WWOX: variants seen among roughly 807,000 people sequenced by gnomAD.
WWOX encodes WW domain-containing oxidoreductase.
Under a neutral mutation model 46.2 loss-of-function variants are expected in WWOX, and 69 were observed. The ratio of observed to expected loss-of-function variants is 1.49; its 90% CI spans 1.23 to 1.82. The LOEUF (loss-of-function observed/expected upper bound fraction) is 1.82, where lower values mean the gene tolerates loss of function less well. Among genes scored for constraint, WWOX ranks in the 40% most tolerant of loss-of-function variants. The pLI, the probability that WWOX is intolerant of heterozygous loss-of-function variation, is 0.00. For synonymous variants in WWOX, 359 were observed against 202.6 expected (o/e 1.77, Z -6.56); for missense variants, 919 against 542.6 (o/e 1.69, Z -6.89).
intron 4 of WWOX, among the ~76,000 whole-genome samples, chr16:78,129,102 C>T (rs2033483167): frequency 6.6e-6 from 1 of 152,158 alleles, no homozygotes; most frequent in African/African-American, 2.4e-5. Context: ...GAAAAGCTGA[C>T]TTGGGAGCTG....
At chr16:78,566,241 A>G (rs189613443) in intron 8 of WWOX, among the ~76,000 whole-genome samples, 81 of 152,196 alleles carry the variant, frequency 5.3e-4, no homozygotes, top group Middle Eastern at 3.4e-3. Context: ...CCCCACCTCC[A>G]AGTACTGTCA....
intron 8 of WWOX, among the ~76,000 whole-genome samples, chr16:79,114,433 C>T (rs1196348847): frequency 2.0e-5 from 3 of 151,324 alleles, no homozygotes; most frequent in Non-Finnish European, 4.4e-5. Flanking sequence ...CACATACCTA[C>T]ATGCACACAC....
intron 8 of WWOX, among the ~76,000 whole-genome samples, chr16:78,928,103 C>T (rs2045540141): frequency 6.6e-6 from 1 of 152,020 alleles, no homozygotes; most frequent in African/African-American, 2.4e-5. Context: ...AGCCTTTTGT[C>T]CGTATGTATT....
chr16:78,482,636 T>A (rs528381523), intron 8 of WWOX, among the ~76,000 whole-genome samples: 1 of 152,316 alleles, frequency 6.6e-6, no homozygotes, highest in South Asian at 2.1e-4. Flanking sequence ...ATGAAGTGGC[T>A]ACTATAATTA....
intron 8 of WWOX, among the ~76,000 whole-genome samples, chr16:78,579,021 AT>A (rs1157160733): frequency 2.6e-5 from 4 of 151,650 alleles, no homozygotes; most frequent in Admixed American, 2.0e-4. Context: ...CATCTTAGGC[AT>A]TTTTTTCCTT....
At chr16:78,325,209 C>G (rs1219299662) in intron 5 of WWOX, among the ~76,000 whole-genome samples, 1 of 152,188 alleles carries the variant, frequency 6.6e-6, no homozygotes, top group Non-Finnish European at 1.5e-5. Context: ...TGTTTACAAG[C>G]TCTAATCAGG....
In WWOX at chr16:78,807,897, C is replaced by T. The variant is rs137954426; in HGVS notation, c.1056+375145C>T. ...CCTCATTTCAAGTGCTCAGTAGCTA[C>T]ATGTACCTAACACATTGGACAGCAC... On this transcript the variant is annotated intron_variant, in intron 8 of 8. Transcript: ENST00000566780. Among the ~76,000 whole-genome samples the T allele has an allele frequency of 1.4e-3, 220 of 152,358 alleles. 1 individual carries two copies. The highest frequency in any genetic ancestry group is 5.0e-3 in the African/African-American group (207 of 41,582).
At chr16:79,180,880 C>T (rs1039905832) in intron 8 of WWOX, among the ~76,000 whole-genome samples, 9 of 152,098 alleles carry the variant, frequency 5.9e-5, no homozygotes, top group African/African-American at 2.2e-4. Flanking sequence ...TTTCTAATTC[C>T]AATACTTAAT....
intron 8 of WWOX, among the ~76,000 whole-genome samples, chr16:79,141,914 G>A (rs753559315): frequency 4.0e-5 from 6 of 151,036 alleles, no homozygotes; most frequent in Non-Finnish European, 8.9e-5. Context: ...AGCAGTGTCC[G>A]TTAGTATGAC....
chr16:79,109,040 G>A (rs891784965), intron 8 of WWOX, among the ~76,000 whole-genome samples: 1 of 151,932 alleles, frequency 6.6e-6, no homozygotes, highest in Admixed American at 6.6e-5. Flanking sequence ...ATCATCACCT[G>A]TGTGAGTGTG....
In WWOX at chr16:78,703,832, C is replaced by G. The variant is rs146768427; in HGVS notation, c.1056+271080C>G. Among the ~76,000 whole-genome samples, 14 of 152,138 alleles carry G rather than the reference C, an allele frequency of 9.2e-5. 1 individual carries two copies. The East Asian group carries it at 2.7e-3, about 29-fold the overall frequency. ...TGAGTTGCTGGTACTGCTGTGGGCACAGAACTGGGTATGACAGAACATTTT... is the reference window on the plus strand; with the variant it reads ...TGAGTTGCTGGTACTGCTGTGGGCAGAGAACTGGGTATGACAGAACATTTT... On this transcript the variant is annotated intron_variant, in intron 8 of 8. Coordinates refer to ENST00000566780, the MANE Select transcript of WWOX (RefSeq NM_016373.4).
intron 8 of WWOX, chr16:78,899,123 T>A (rs1402190243): frequency 6.6e-6 from 1 of 152,134 alleles, no homozygotes; most frequent in Admixed American, 6.5e-5. Context: ...TGTAGGACAG[T>A]GTTGAACAGA....
At chr16:79,182,507 G>A (rs1010960607) in intron 8 of WWOX, among the ~76,000 whole-genome samples, 2 of 150,394 alleles carry the variant, frequency 1.3e-5, no homozygotes, top group Non-Finnish European at 2.9e-5. Context: ...ACTGGGATTG[G>A]AAGGGATCAG....
intron 5 of WWOX, among the ~76,000 whole-genome samples, chr16:78,252,011 A>T (rs998181691): frequency 6.6e-6 from 1 of 152,204 alleles, no homozygotes; most frequent in African/African-American, 2.4e-5. Context: ...GGCAAGTGTC[A>T]TGGGACTTGT....
At chr16:78,131,750 T>C (rs891676338) in intron 4 of WWOX, among the ~76,000 whole-genome samples, 5 of 150,538 alleles carry the variant, frequency 3.3e-5, no homozygotes, top group East Asian at 2.0e-4. Flanking sequence ...CGCCCAGCTA[T>C]TTTTTTTGTA....
intron 8 of WWOX, among the ~76,000 whole-genome samples, chr16:78,518,573 G>C (rs1436310948): frequency 6.6e-6 from 1 of 152,090 alleles, no homozygotes; most frequent in Non-Finnish European, 1.5e-5. Context: ...GAGTACTTTT[G>C]TCCATTTCTA....
In WWOX at chr16:78,955,569, A is replaced by C. The variant is rs537523268; in HGVS notation, c.1057-256039A>C. 1.4e-4 allele frequency among the ~76,000 whole-genome samples: 21 copies of C among 151,944 alleles called. No individual in the cohort carries two copies. In the South Asian group the frequency reaches 4.2e-3, roughly 30 times the overall value. On this transcript the variant is annotated intron_variant, in intron 8 of 8. Transcript: ENST00000566780. The stretch of plus-strand genomic sequence containing the variant: ...ACTTTTTAAAACCAGCAAATCATTC[A>C]TATTTACTTTATGAAACCTCTTTTA...
chr16:78,622,881 G>C (rs1470351773), intron 8 of WWOX, among the ~76,000 whole-genome samples: 1 of 152,096 alleles, frequency 6.6e-6, no homozygotes, highest in African/African-American at 2.4e-5. Context: ...CCTTAAAGAG[G>C]AGCTAAAATA....
intron 8 of WWOX, among the ~76,000 whole-genome samples, chr16:78,975,364 A>G (rs1448555748): frequency 6.6e-6 from 1 of 152,050 alleles, no homozygotes; most frequent in Admixed American, 6.5e-5. Flanking sequence ...AACATCCTAC[A>G]TGAACAGGGC....
Sources: gnomAD v4.1 joint callset for allele counts (sites outside exome capture counted in the v4.1 genomes callset) on GRCh38, gnomAD v4.1.1 for gene constraint, MANE v1.5 for transcripts, NCBI Gene and HGNC (gene_info 2026-07-23, HGNC 2026-07-21) for gene names.